CHRFAM7A: variants seen among roughly 807,000 people sequenced by gnomAD.
CHRFAM7A encodes the protein CHRNA7 (exons 5-10) and FAM7A (exons A-E) fusion.
A neutral mutation model predicts 29.2 loss-of-function variants in CHRFAM7A; 3 were observed. The observed-to-expected ratio is 0.10, with a 90% CI of 0.05 to 0.27. CHRFAM7A has a LOEUF of 0.27. Among genes scored for constraint, CHRFAM7A ranks in the 10% least tolerant of loss-of-function variants. CHRFAM7A has a pLI of 1.00. For synonymous variants in CHRFAM7A, 7 were observed against 135.4 expected, an observed-to-expected ratio of 0.05 and a Z score of 6.58; for missense variants, 22 against 328.0, an observed-to-expected ratio of 0.07 and a Z score of 7.21.
rs2058744966 is a variant in CHRFAM7A at position 30,361,789 on chromosome 15, G to A, written c.*504C>T. 1.2e-5 allele frequency: 1 copy of A among 86,454 alleles called. No individual in the cohort carries two copies. The highest frequency in any genetic ancestry group is 3.9e-4 in the South Asian group (1 of 2,570). The allele number at this position is 86,454 out of a possible 1,614,324, so 5.4% of individuals were successfully genotyped here. A position where few individuals can be genotyped will look rare whatever the true frequency, so the allele number is the denominator to read the frequency against. On this transcript the variant is annotated 3_prime_UTR_variant, in exon 10 of 10. Transcript: ENST00000299847. ...GAAATAAAAATAAAAATAAAAAGTT[G>A]AATTGCAGAAAAGCTAAGAGGTTTT...
At chr15:30,365,801 CTTTTTTTTTTTT>C (rs1165285566) in intron 9 of CHRFAM7A, among the ~76,000 whole-genome samples, 6 of 74,256 alleles carry the variant, frequency 8.1e-5, no homozygotes, top group Admixed American at 1.9e-4. Flanking sequence ...ACAAGTGAGT[CTTTTTTTTTTTT>C]TTTTTTTTTT....
At chr15:30,363,792 AATGG>A (rs1341400083) in intron 9 of CHRFAM7A, among the ~76,000 whole-genome samples, 1 of 3,568 alleles carries the variant, frequency 2.8e-4, no homozygotes, top group African/African-American at 3.7e-4. Flanking sequence ...GAAGGCGTCA[AATGG>A]ATGGGCATGT....
In CHRFAM7A at chr15:30,361,419, T is replaced by TA. The variant is rs2058740663; in HGVS notation, c.*873dup. On this transcript the variant is annotated 3_prime_UTR_variant, in exon 10 of 10. Coordinates refer to ENST00000299847, the MANE Select transcript of CHRFAM7A (RefSeq NM_139320.2). ...ACACATTATTTTTTTAAAGCCCACG[T>TA]AAGTGGCTTCACTTAGCTGTAGCTA... 3 of 134,372 alleles carry TA rather than the reference T, an allele frequency of 2.2e-5. No homozygotes were observed. The South Asian group carries it at 7.4e-4, about 33-fold the overall frequency. The allele number at this position is 134,372 out of a possible 1,614,324, so 8.3% of individuals were successfully genotyped here.
At chr15:30,393,857 C>CTGTGTGTGTGTGTGTGTGTGTG, upstream of CHRFAM7A, 1 of 84,758 alleles carries the variant, frequency 1.2e-5, no homozygotes, top group African/African-American at 3.7e-5. Flanking sequence ...ACCACCAACT[C>CTGTGTGTGTGTGTGTGTGTGTG]TGTGTGTGTG....
chr15:30,389,519 C>T (rs2058995012), intron 1 of CHRFAM7A, among the ~76,000 whole-genome samples: 1 of 3,642 alleles, frequency 2.7e-4, no homozygotes, highest in African/African-American at 5.3e-4. Flanking sequence ...CAACCTCCGC[C>T]TCCCAGGTTC....
chr15:30,374,791 GA>G (rs1369951493), intron 5 of CHRFAM7A, among the ~76,000 whole-genome samples: 3 of 129,160 alleles, frequency 2.3e-5, no homozygotes, highest in African/African-American at 8.9e-5. Context: ...AAATGGGGGG[GA>G]AAGTCATGTT....
At position 30,376,151 on chromosome 15, in the gene CHRFAM7A, T is replaced by G. The variant is rs1338065407; in HGVS notation, c.160+879A>C. Among the ~76,000 whole-genome samples the G allele has an allele frequency of 1.1e-4, 16 of 146,518 alleles. No homozygotes were observed. The East Asian group carries it at 1.2e-3, about 11-fold the overall frequency. On this transcript the variant is annotated intron_variant, in intron 5 of 9. Coordinates refer to ENST00000299847, the MANE Select transcript of CHRFAM7A (RefSeq NM_139320.2). The stretch of plus-strand genomic sequence containing the variant: ...TGTGTGTGTGTGAGGTGTGTGTGAG[T>G]GGTGTGTGTGAGGGGTGAGTGGTGT...
intron 7 of CHRFAM7A, among the ~76,000 whole-genome samples, chr15:30,371,629 T>A (rs371645758): frequency 1.3e-5 from 2 of 149,264 alleles, no homozygotes; most frequent in African/African-American, 2.5e-5. Context: ...TCAGAAGATA[T>A]GGGTTTGGGA....
At chr15:30,363,313 C>T (rs555653289) in intron 9 of CHRFAM7A, among the ~76,000 whole-genome samples, 7 of 148,384 alleles carry the variant, frequency 4.7e-5, no homozygotes, top group African/African-American at 1.5e-4. Flanking sequence ...AAGCTTGAAG[C>T]AGTTCAGGCT....
At chr15:30,375,524 G>T (rs1182392538) in intron 5 of CHRFAM7A, among the ~76,000 whole-genome samples, 1 of 150,690 alleles carries the variant, frequency 6.6e-6, no homozygotes, top group Admixed American at 6.6e-5. Flanking sequence ...GCCAGTATGT[G>T]TGGTATGTGA....
chr15:30,374,784 TGGG>T (rs1167592135), intron 5 of CHRFAM7A, among the ~76,000 whole-genome samples: 60 of 128,398 alleles, frequency 4.7e-4, no homozygotes, highest in African/African-American at 1.6e-3. Context: ...ACACATGAAA[TGGG>T]GGGGAAAGTC....
At position 30,371,998 on chromosome 15, in the gene CHRFAM7A, G is replaced by GCCA. The variant is rs929991289; in HGVS notation, c.523+146_523+148dup. Reference sequence around the variant, plus strand: ...AATCAGGGACCTCTGGTGTCCTGGAGCCACCGTGGGCTCGGAGGTCCATGG... The same window carrying GCCA: ...AATCAGGGACCTCTGGTGTCCTGGAGCCACCACCGTGGGCTCGGAGGTCCATGG... On this transcript the variant is annotated intron_variant, in intron 7 of 9. Transcript: ENST00000299847. 6 of 318,282 alleles carry GCCA rather than the reference G, an allele frequency of 1.9e-5. 1 individual carries two copies. Among genetic ancestry groups the GCCA allele is most frequent in the Non-Finnish European group, 3.4e-5 (6 of 174,108 alleles). The allele number at this position is 318,282 out of a possible 1,614,324, so 19.7% of individuals were successfully genotyped here.
At chr15:30,373,977 TAAAACAAA>T (rs1196261281) in intron 5 of CHRFAM7A, among the ~76,000 whole-genome samples, 4 of 138,418 alleles carry the variant, frequency 2.9e-5, no homozygotes, top group Non-Finnish European at 6.4e-5. Flanking sequence ...GAAAAAAAGT[TAAAACAAA>T]CAAACAAACA....
At chr15:30,370,836 G>A (rs1273124705) in intron 8 of CHRFAM7A, among the ~76,000 whole-genome samples, 2 of 148,170 alleles carry the variant, frequency 1.3e-5, no homozygotes, top group Non-Finnish European at 3.0e-5. Context: ...TGAAATATCT[G>A]GCTTCAAAGC....
chr15:30,367,190 G>A (rs566476893), intron 9 of CHRFAM7A, among the ~76,000 whole-genome samples: 1 of 151,196 alleles, frequency 6.6e-6, no homozygotes, highest in East Asian at 2.0e-4. Flanking sequence ...GGAGGCTGAG[G>A]CAGGAGAATT....
At chr15:30,392,550 CT>C (rs1264258427) in intron 1 of CHRFAM7A, among the ~76,000 whole-genome samples, 1 of 13,162 alleles carries the variant, frequency 7.6e-5, no homozygotes, top group African/African-American at 1.2e-4. Context: ...AGAAAGAAAA[CT>C]TTTTTTTGAG....
intron 1 of CHRFAM7A, among the ~76,000 whole-genome samples, chr15:30,389,351 C>A (rs1595516080): frequency 1.2e-4 from 1 of 8,500 alleles, no homozygotes; most frequent in African/African-American, 2.6e-4. Flanking sequence ...TATATTTTCT[C>A]AATAGAATGA....
intron 4 of CHRFAM7A, among the ~76,000 whole-genome samples, chr15:30,377,901 T>C (rs1219784242): frequency 1.5e-5 from 2 of 134,102 alleles, no homozygotes; most frequent in African/African-American, 5.9e-5. Flanking sequence ...ACTATTACTA[T>C]ATATGAATTA....
At chr15:30,367,146 TGTG>T (rs2140864941) in intron 9 of CHRFAM7A, among the ~76,000 whole-genome samples, 1 of 150,634 alleles carries the variant, frequency 6.6e-6, no homozygotes, top group East Asian at 2.0e-4. Context: ...ATTGGCCAGG[TGTG>T]GTGGCAGGCG....
Sources: gnomAD v4.1 joint callset for allele counts (sites outside exome capture counted in the v4.1 genomes callset) on GRCh38, gnomAD v4.1.1 for gene constraint, MANE v1.5 for transcripts, NCBI Gene and HGNC (gene_info 2026-07-23, HGNC 2026-07-21) for gene names.